The following FGF12 variants were observed in gnomAD, a reference collection of about 807,000 sequenced individuals.
FGF12 encodes fibroblast growth factor 12B.
Under a neutral mutation model 23.6 loss-of-function variants are expected in FGF12, and 14 were observed. That is an observed-to-expected ratio of 0.59 (90% CI 0.39 to 0.93). The LOEUF (loss-of-function observed/expected upper bound fraction) is 0.93, where lower values mean the gene tolerates loss of function less well. Among genes scored for constraint, FGF12 ranks in the 40% least tolerant of loss-of-function variants. The pLI is 0.00. For missense variants in FGF12, 175 were observed against 217.8 expected (o/e 0.80, Z 1.24); for synonymous variants, 62 against 77.3 (o/e 0.80, Z 1.04).
intron 2 of FGF12, among the ~76,000 whole-genome samples, chr3:192,403,431 G>A (rs1002503802): frequency 3.3e-5 from 5 of 152,046 alleles, no homozygotes; most frequent in African/African-American, 1.2e-4. Flanking sequence ...TCCTACAATG[G>A]AAACATAATT....
At chr3:192,153,057 A>ACCATTATGTAAGG (rs1411814158) in intron 5 of FGF12, among the ~76,000 whole-genome samples, 1 of 71,734 alleles carries the variant, frequency 1.4e-5, no homozygotes, top group Non-Finnish European at 3.0e-5. Flanking sequence ...TGATCCCTTT[A>ACCATTATGTAAGG]CCATTATGTA....
intron 2 of FGF12, chr3:192,672,968 G>A (rs924433540): frequency 2.0e-5 from 3 of 151,000 alleles, no homozygotes; most frequent in African/African-American, 7.3e-5. Flanking sequence ...TAAAAGAAAT[G>A]CATAAGAAAG....
chr3:192,407,628 C>T (rs149339422), intron 2 of FGF12, among the ~76,000 whole-genome samples: 2 of 152,200 alleles, frequency 1.3e-5, no homozygotes, highest in East Asian at 3.9e-4. Context: ...AGCGTAAGTA[C>T]TGTACTCTAC....
At chr3:192,505,649 TA>T (rs1396667155) in intron 2 of FGF12, among the ~76,000 whole-genome samples, 1 of 152,146 alleles carries the variant, frequency 6.6e-6, no homozygotes, top group African/African-American at 2.4e-5. Context: ...TTTTTAATTA[TA>T]AAAGAAACAC....
chr3:192,634,130 TTTTC>T (rs139609029), intron 2 of FGF12, among the ~76,000 whole-genome samples: 11,964 of 152,076 alleles, frequency 0.079, 1,487 homozygotes, highest in African/African-American at 0.26. Flanking sequence ...CTTCCTTCCT[TTTTC>T]TTTCTTTTTT....
At chr3:192,303,770 A>G (rs1329202755) in intron 4 of FGF12, among the ~76,000 whole-genome samples, 1 of 152,174 alleles carries the variant, frequency 6.6e-6, no homozygotes, top group Non-Finnish European at 1.5e-5. Context: ...TAATTTTTCC[A>G]TCTCTTAAAA....
Position 192,167,923 on chromosome 3 carries a change from C to T in FGF12, c.427+2535G>A, listed in dbSNP as rs180790007. ...CTGGGATTACCGGCACGTGCCACCA[C>T]GCCCGGTTAATTTTTGTATTTTTAG... On this transcript the variant is annotated intron_variant, in intron 5 of 5. Transcript: ENST00000445105. Among the ~76,000 whole-genome samples, 88 of 150,906 alleles carry T rather than the reference C, an allele frequency of 5.8e-4. 1 individual carries two copies. In the East Asian group the frequency reaches 0.017, roughly 29 times the overall value.
rs553114010 is a variant in FGF12, at chr3:192,577,200, G to A, written c.13+149981C>T. Among the ~76,000 whole-genome samples, 159 of 152,246 alleles carry A rather than the reference G, an allele frequency of 1.0e-3. 1 individual carries two copies. Among genetic ancestry groups the A allele is most frequent in the Middle Eastern group, 3.4e-3 (1 of 294 alleles). ...GCACATGTATCCCAGAACTTAAAGTGTAATAAAAAATAAATAAATAAATAA... is the reference window on the plus strand; with the variant it reads ...GCACATGTATCCCAGAACTTAAAGTATAATAAAAAATAAATAAATAAATAA... On this transcript the variant is annotated intron_variant, in intron 2 of 5. Coordinates refer to ENST00000445105, the MANE Select transcript of FGF12 (RefSeq NM_004113.6).
intron 4 of FGF12, among the ~76,000 whole-genome samples, chr3:192,298,972 C>T (rs1715195148): frequency 6.6e-6 from 1 of 152,164 alleles, no homozygotes; most frequent in Non-Finnish European, 1.5e-5. Context: ...AGTGAGAACT[C>T]ATTCAATTCC....
At chr3:192,647,712 CAT>C (rs113508070) in intron 2 of FGF12, among the ~76,000 whole-genome samples, 3,907 of 142,892 alleles carry the variant, frequency 0.027, 58 homozygotes, top group Non-Finnish European at 0.041. Flanking sequence ...TGTATATATA[CAT>C]ATATATATAC....
intron 2 of FGF12, among the ~76,000 whole-genome samples, chr3:192,620,861 A>G (rs1410281851): frequency 6.6e-6 from 1 of 152,044 alleles, no homozygotes. Context: ...CACAAAGGAG[A>G]CCTGGGCTCG....
At chr3:192,459,712 A>T (rs1168987789) in intron 2 of FGF12, among the ~76,000 whole-genome samples, 1 of 152,234 alleles carries the variant, frequency 6.6e-6, no homozygotes, top group African/African-American at 2.4e-5. Flanking sequence ...AAGGAAAAAT[A>T]AAATAGTTTT....
chr3:192,658,008 T>C (rs1055903784), intron 2 of FGF12, among the ~76,000 whole-genome samples: 3 of 152,080 alleles, frequency 2.0e-5, no homozygotes, highest in Non-Finnish European at 4.4e-5. Flanking sequence ...CATTGCTCTT[T>C]TGGAAAACAG....
chr3:192,611,508 T>A (rs1486002221), intron 2 of FGF12, among the ~76,000 whole-genome samples: 2 of 152,024 alleles, frequency 1.3e-5, no homozygotes, highest in African/African-American at 4.8e-5. Context: ...TATCTGAAGC[T>A]GTATTGAATG....
chr3:192,465,321 C>G (rs773121995), intron 2 of FGF12, among the ~76,000 whole-genome samples: 5 of 151,980 alleles, frequency 3.3e-5, no homozygotes, highest in African/African-American at 4.8e-5. Context: ...TCCGAAACAC[C>G]GTCTAAAAAT....
At chr3:192,318,275 C>G (rs527460969) in intron 4 of FGF12, among the ~76,000 whole-genome samples, 115 of 152,086 alleles carry the variant, frequency 7.6e-4, no homozygotes, top group Non-Finnish European at 1.4e-3. Flanking sequence ...GGGACCAATC[C>G]CAGAGAGATA....
In FGF12 at chr3:192,272,584, A is replaced by G. The variant is rs139835727; in HGVS notation, c.228+62777T>C. 9.2e-3 allele frequency among the ~76,000 whole-genome samples: 1,407 copies of G among 152,182 alleles called. 19 individuals carry two copies. The highest frequency in any genetic ancestry group is 0.032 in the African/African-American group (1,329 of 41,520). ...TCTATGACTATATGATATGCTTGGT[A>G]CTCTTTTAAATGATACTTCCCTATT... On this transcript the variant is annotated intron_variant, in intron 4 of 5. Transcript: ENST00000445105.
chr3:192,178,890 A>G (rs1268018788), intron 4 of FGF12, among the ~76,000 whole-genome samples: 1 of 152,234 alleles, frequency 6.6e-6, no homozygotes, highest in Non-Finnish European at 1.5e-5. Flanking sequence ...ATCAAAAACA[A>G]CTGGGGAATC....
chr3:192,442,691 A>C (rs1722234429), intron 2 of FGF12, among the ~76,000 whole-genome samples: 1 of 152,226 alleles, frequency 6.6e-6, no homozygotes, highest in Non-Finnish European at 1.5e-5. Context: ...CAGTATTTAC[A>C]TGAATTCTTT....
Sources: gnomAD v4.1 joint callset for allele counts (sites outside exome capture counted in the v4.1 genomes callset) on GRCh38, gnomAD v4.1.1 for gene constraint, MANE v1.5 for transcripts, NCBI Gene and HGNC (gene_info 2026-07-23, HGNC 2026-07-21) for gene names.